Variants in JPH3 observed in about 807,000 individuals in gnomAD.
JPH3 encodes junctophilin 3.
Under a neutral mutation model 59.6 loss-of-function variants are expected in JPH3, and 11 were observed. That is an observed-to-expected ratio of 0.18 (90% CI 0.12 to 0.31). The LOEUF is 0.31. Among genes scored for constraint, JPH3 ranks in the 10% least tolerant of loss-of-function variants. JPH3 has a pLI of 1.00. For missense variants in JPH3, 1,202 were observed against 1,105.7 expected (o/e 1.09, Z -1.24); for synonymous variants, 673 against 483.6 (o/e 1.39, Z -5.14).
In JPH3 at chr16:87,686,335, G is replaced by C. The variant is rs527979102; in HGVS notation, c.1285+2069G>C. On this transcript the variant is annotated intron_variant, in intron 3 of 4. Coordinates refer to ENST00000284262, the MANE Select transcript of JPH3 (RefSeq NM_020655.4). ...CCTGGAGGGCTCAGTCCTGGAGTCA[G>C]AGATACTTCCTGGAGGGCTCAGTTC... Among the ~76,000 whole-genome samples the C allele has an allele frequency of 1.9e-4, 28 of 149,882 alleles. No individual in the cohort carries two copies. In the South Asian group the frequency reaches 5.5e-3, roughly 29 times the overall value.
rs562752600 is a variant in JPH3 at position 87,626,374 on chromosome 16, C to G, written c.383-17884C>G. 2.6e-5 allele frequency among the ~76,000 whole-genome samples: 4 copies of G among 152,334 alleles called. No homozygotes were observed. In the South Asian group the frequency reaches 8.3e-4, roughly 32 times the overall value. ...GCACACAACTCCCACCCGCCTGCCT[C>G]TCTCCGACCGCGAGTCCTCCAGGAG... On this transcript the variant is annotated intron_variant, in intron 1 of 4. Coordinates refer to ENST00000284262, the MANE Select transcript of JPH3 (RefSeq NM_020655.4).
At chr16:87,660,282 G>C (rs1045787720) in intron 2 of JPH3, among the ~76,000 whole-genome samples, 6 of 152,162 alleles carry the variant, frequency 3.9e-5, no homozygotes, top group African/African-American at 1.4e-4. Context: ...CTTTTCCCCA[G>C]AGCAGATGCT....
intron 1 of JPH3, among the ~76,000 whole-genome samples, chr16:87,625,535 C>T (rs1362143232): frequency 1.3e-5 from 2 of 152,214 alleles, no homozygotes; most frequent in Non-Finnish European, 2.9e-5. Context: ...GGCCAGCATG[C>T]ACACTGCAGC....
intron 3 of JPH3, among the ~76,000 whole-genome samples, chr16:87,685,941 C>T (rs2033407016): frequency 6.6e-6 from 1 of 152,198 alleles, no homozygotes; most frequent in Non-Finnish European, 1.5e-5. Flanking sequence ...ATGGAACAGA[C>T]TTTGAGACAA....
intron 2 of JPH3, among the ~76,000 whole-genome samples, chr16:87,659,749 A>G (rs968767285): frequency 2.0e-5 from 3 of 151,908 alleles, no homozygotes; most frequent in African/African-American, 7.3e-5. Flanking sequence ...AAAAAGGATG[A>G]TTTTTAACCA....
At chr16:87,660,995 T>C (rs1002629100) in intron 2 of JPH3, among the ~76,000 whole-genome samples, 8 of 152,188 alleles carry the variant, frequency 5.3e-5, no homozygotes, top group Non-Finnish European at 7.4e-5. Flanking sequence ...TGGCTTTAAG[T>C]TGTAGAATAT....
At chr16:87,677,824 C>T (rs1011694712) in intron 2 of JPH3, among the ~76,000 whole-genome samples, 1 of 152,242 alleles carries the variant, frequency 6.6e-6, no homozygotes, top group Non-Finnish European at 1.5e-5. Context: ...CCACGAACCA[C>T]AATCACAGAA....
chr16:87,644,629 A>G lies in JPH3; in HGVS notation c.754A>G (p.Thr252Ala), dbSNP rs2032076722. The change falls in exon 2 of 5, where the codon ACC becomes GCC. Residue 252 changes from threonine (T) to alanine (A), a missense_variant. Thr to Ala is a moderately conservative substitution (Grantham distance 58). Coordinates refer to ENST00000284262, the MANE Select transcript of JPH3 (RefSeq NM_020655.4). Reference sequence around the variant, plus strand: ...CTTTCGCAGCGAGGCGGGCATGAGCACCGTCAGCTCCACGGCCAGCGACAT... The same window carrying G: ...CTTTCGCAGCGAGGCGGGCATGAGCGCCGTCAGCTCCACGGCCAGCGACAT... ...SSFRSEAGMS[T>A]VSSTASDIHS... 3.1e-6 allele frequency: 5 copies of G among 1,612,302 alleles called. No homozygotes were observed. The South Asian group carries it at 3.3e-5, about 11-fold the overall frequency.
chr16:87,673,747 G>A (rs1189108693), intron 2 of JPH3, among the ~76,000 whole-genome samples: 1 of 151,904 alleles, frequency 6.6e-6, no homozygotes, highest in Non-Finnish European at 1.5e-5. Context: ...CCAACATGGC[G>A]AAACCCTGTC....
chr16:87,613,461 C>G (rs1268542861), intron 1 of JPH3, among the ~76,000 whole-genome samples: 2 of 152,044 alleles, frequency 1.3e-5, no homozygotes, highest in East Asian at 3.9e-4. Context: ...GCTGGGATTA[C>G]AGGTGCCCAC....
At chr16:87,641,922 C>A (rs540755585) in intron 1 of JPH3, among the ~76,000 whole-genome samples, 1 of 152,232 alleles carries the variant, frequency 6.6e-6, no homozygotes, top group South Asian at 2.1e-4. Flanking sequence ...GTCTGGATGC[C>A]GCGGGTGCCG....
chr16:87,689,580 G>C (rs2033505324), intron 3 of JPH3, 66 bp from the exon 4 acceptor site: 2 of 1,535,402 alleles, frequency 1.3e-6, no homozygotes, highest in South Asian at 1.2e-5. Flanking sequence ...CTGGCCCGGG[G>C]ACCGCGGCCT....
At chr16:87,622,724 T>C (rs1007230641) in intron 1 of JPH3, among the ~76,000 whole-genome samples, 1 of 142,096 alleles carries the variant, frequency 7.0e-6, no homozygotes, top group Non-Finnish European at 1.6e-5. Context: ...CAGGGTCTCC[T>C]CCTGATAAAT....
At chr16:87,662,526 C>T (rs561249089) in intron 2 of JPH3, among the ~76,000 whole-genome samples, 24 of 151,946 alleles carry the variant, frequency 1.6e-4, no homozygotes, top group Middle Eastern at 3.4e-3. Context: ...CCAGGATGTT[C>T]GTTTTGGGGT....
chr16:87,679,700 T>C (rs1386921662), intron 2 of JPH3, among the ~76,000 whole-genome samples: 1 of 152,218 alleles, frequency 6.6e-6, no homozygotes, highest in African/African-American at 2.4e-5. Context: ...GGCTGGGTGT[T>C]GACCTGCTCC....
At chr16:87,650,346 A>G (rs1021469105) in intron 2 of JPH3, among the ~76,000 whole-genome samples, 2 of 152,154 alleles carry the variant, frequency 1.3e-5, no homozygotes, top group African/African-American at 4.8e-5. Flanking sequence ...CTGTGTTCTG[A>G]CCAATCCTCC....
intron 1 of JPH3, among the ~76,000 whole-genome samples, chr16:87,609,250 A>AT (rs2030643846): frequency 6.6e-6 from 1 of 152,126 alleles, no homozygotes; most frequent in African/African-American, 2.4e-5. Context: ...GTGAGACTTT[A>AT]TTTTTTTGTT....
At chr16:87,691,701 G>A (rs1473508097) in intron 4 of JPH3, among the ~76,000 whole-genome samples, 2 of 152,154 alleles carry the variant, frequency 1.3e-5, no homozygotes, top group Non-Finnish European at 2.9e-5. Flanking sequence ...AACCACTGCG[G>A]ACGTCTGTCT....
At chr16:87,669,842 CG>C (rs1210344953) in intron 2 of JPH3, among the ~76,000 whole-genome samples, 1 of 151,992 alleles carries the variant, frequency 6.6e-6, no homozygotes, top group Non-Finnish European at 1.5e-5. Flanking sequence ...TCAGGCCCTC[CG>C]TTGTGTGTTA....
Sources: gnomAD v4.1 joint callset for allele counts (sites outside exome capture counted in the v4.1 genomes callset) on GRCh38, gnomAD v4.1.1 for gene constraint, MANE v1.5 for transcripts, NCBI Gene and HGNC (gene_info 2026-07-23, HGNC 2026-07-21) for gene names.